The following CNTN5 variants were observed in gnomAD, a reference collection of about 807,000 sequenced individuals.
The protein encoded by CNTN5 is contactin 5.
In CNTN5, 77 loss-of-function variants were observed where a neutral mutation model predicts 129.1. The ratio of observed to expected loss-of-function variants is 0.60; its 90% CI spans 0.50 to 0.72. The LOEUF (loss-of-function observed/expected upper bound fraction) is 0.72. Among genes scored for constraint, CNTN5 ranks in the 30% least tolerant of loss-of-function variants. The pLI is 0.00. For synonymous variants in CNTN5, 509 were observed against 465.6 expected (o/e 1.09, Z -1.20); for missense variants, 1,478 against 1,328.8 (o/e 1.11, Z -1.75).
At chr11:99,201,339 T>C (rs549044691) in intron 1 of CNTN5, among the ~76,000 whole-genome samples, 84 of 74,542 alleles carry the variant, frequency 1.1e-3, no homozygotes, top group Non-Finnish European at 9.9e-5. Context: ...CTTCCTTCCT[T>C]CCTTCCTTTC....
At chr11:100,162,557 T>C (rs1388990152) in intron 13 of CNTN5, among the ~76,000 whole-genome samples, 1 of 151,868 alleles carries the variant, frequency 6.6e-6, no homozygotes, top group Non-Finnish European at 1.5e-5. Context: ...CAAGATATTG[T>C]CTAGTATTAG....
At chr11:99,033,937 C>G (rs1450241340) in intron 1 of CNTN5, among the ~76,000 whole-genome samples, 8 of 151,094 alleles carry the variant, frequency 5.3e-5, no homozygotes, top group South Asian at 4.2e-4. Context: ...TTTTGAAATA[C>G]GTCCCATCAA....
intron 3 of CNTN5, among the ~76,000 whole-genome samples, chr11:99,760,953 T>C (rs1739001514): frequency 1.3e-5 from 2 of 152,152 alleles, no homozygotes; most frequent in South Asian, 4.1e-4. Context: ...AAACGTTTTC[T>C]AATGATGTGG....
chr11:99,677,295 A>G (rs1404590067), intron 3 of CNTN5, among the ~76,000 whole-genome samples: 1 of 152,106 alleles, frequency 6.6e-6, no homozygotes, highest in Non-Finnish European at 1.5e-5. Context: ...AAAAGCTACC[A>G]ATGGTGAATG....
At chr11:99,285,349 A>G (rs1026539768) in intron 1 of CNTN5, among the ~76,000 whole-genome samples, 2 of 152,242 alleles carry the variant, frequency 1.3e-5, no homozygotes, top group African/African-American at 4.8e-5. Context: ...TGATACTCCT[A>G]GGGTTTTTCT....
intron 1 of CNTN5, among the ~76,000 whole-genome samples, chr11:99,125,491 A>G (rs1858580456): frequency 6.6e-6 from 1 of 152,162 alleles, no homozygotes; most frequent in Non-Finnish European, 1.5e-5. Context: ...ACCCACAACC[A>G]GGATCATACT....
chr11:99,895,123 C>T (rs1306029844), intron 6 of CNTN5, among the ~76,000 whole-genome samples: 1 of 152,314 alleles, frequency 6.6e-6, no homozygotes, highest in South Asian at 2.1e-4. Flanking sequence ...ACCTTGGTAG[C>T]ATCAGATAAT....
chr11:99,715,926 T>TA (rs1955200261), intron 3 of CNTN5, among the ~76,000 whole-genome samples: 1 of 151,928 alleles, frequency 6.6e-6, no homozygotes, highest in Non-Finnish European at 1.5e-5. Context: ...TTGTTAGAAA[T>TA]AAAGAGGAGA....
chr11:99,360,943 T>C (rs1034624769), intron 2 of CNTN5, among the ~76,000 whole-genome samples: 5 of 152,202 alleles, frequency 3.3e-5, no homozygotes, highest in African/African-American at 9.6e-5. Flanking sequence ...ACATGCCCCA[T>C]CTTCAACATT....
At chr11:99,650,260 C>T (rs115723810) in intron 3 of CNTN5, among the ~76,000 whole-genome samples, 3,174 of 151,880 alleles carry the variant, frequency 0.021, 120 homozygotes, top group African/African-American at 0.073. Flanking sequence ...TACTCATGTT[C>T]GGAGTCAGTG....
chr11:99,249,660 T>A (rs1361393292), intron 1 of CNTN5, among the ~76,000 whole-genome samples: 1 of 152,012 alleles, frequency 6.6e-6, no homozygotes, highest in African/African-American at 2.4e-5. Context: ...ATTTTTATGA[T>A]TCTCTTTTTG....
At chr11:99,645,241 CAG>C (rs1951911020) in intron 3 of CNTN5, among the ~76,000 whole-genome samples, 1 of 106,400 alleles carries the variant, frequency 9.4e-6, no homozygotes, top group African/African-American at 3.8e-5. Flanking sequence ...GCCTGGGCAA[CAG>C]AGCGAGGCTC....
chr11:100,036,412 G>A (rs1461949141), intron 9 of CNTN5, among the ~76,000 whole-genome samples: 4 of 151,314 alleles, frequency 2.6e-5, no homozygotes, highest in Admixed American at 2.6e-4. Context: ...GATGCCTCCA[G>A]CTTTGTTCTT....
intron 1 of CNTN5, among the ~76,000 whole-genome samples, chr11:99,184,280 T>C (rs946378613): frequency 6.6e-6 from 1 of 152,110 alleles, no homozygotes; most frequent in African/African-American, 2.4e-5. Context: ...CTCATTATAC[T>C]ATGTCTCTAC....
intron 13 of CNTN5, among the ~76,000 whole-genome samples, chr11:100,174,523 C>T (rs1443666523): frequency 6.6e-6 from 1 of 152,014 alleles, no homozygotes; most frequent in Admixed American, 6.6e-5. Context: ...AAATGGAAAA[C>T]ATTGAAATGA....
intron 9 of CNTN5, among the ~76,000 whole-genome samples, chr11:100,039,489 G>T (rs370465143): frequency 1.3e-5 from 2 of 152,080 alleles, no homozygotes; most frequent in African/African-American, 4.8e-5. Context: ...GGCATTCTCT[G>T]TATTTCCTGA....
intron 16 of CNTN5, among the ~76,000 whole-genome samples, chr11:100,253,182 T>C (rs1360606710): frequency 6.6e-6 from 1 of 152,156 alleles, no homozygotes; most frequent in African/African-American, 2.4e-5. Flanking sequence ...CTTTCTTCAG[T>C]TGAAGATACT....
At chr11:99,553,825 G>C (rs1172588624) in intron 2 of CNTN5, among the ~76,000 whole-genome samples, 1 of 151,820 alleles carries the variant, frequency 6.6e-6, no homozygotes, top group Non-Finnish European at 1.5e-5. Context: ...GAGAGAATAA[G>C]GGAGGAGAGC....
chr11:99,853,273 T>A (rs1266234364), intron 6 of CNTN5, among the ~76,000 whole-genome samples: 4 of 152,152 alleles, frequency 2.6e-5, no homozygotes, highest in Non-Finnish European at 5.9e-5. Context: ...GTTTCATGTG[T>A]AACGAATAGA....
Sources: gnomAD v4.1 joint callset for allele counts (sites outside exome capture counted in the v4.1 genomes callset) on GRCh38, gnomAD v4.1.1 for gene constraint, MANE v1.5 for transcripts, NCBI Gene and HGNC (gene_info 2026-07-23, HGNC 2026-07-21) for gene names.